Variants in STMN2 observed in about 807,000 individuals in gnomAD.
The protein encoded by STMN2 is stathmin 2.
Under a neutral mutation model 24.1 loss-of-function variants are expected in STMN2, and 2 were observed. The ratio of observed to expected loss-of-function variants is 0.08; its 90% CI spans 0.03 to 0.26. The LOEUF (loss-of-function observed/expected upper bound fraction) is 0.26. Ranked by LOEUF, STMN2 falls within the 10% of genes least tolerant of loss-of-function variation. The pLI is 1.00. For synonymous variants in STMN2, 83 were observed against 77.5 expected (o/e 1.07, Z -0.37); for missense variants, 114 against 213.6 (o/e 0.53, Z 2.91).
At chr8:79,655,555 G>A (rs1422981005) in intron 4 of STMN2, among the ~76,000 whole-genome samples, 4 of 152,014 alleles carry the variant, frequency 2.6e-5, no homozygotes, top group African/African-American at 9.7e-5. Flanking sequence ...CCCATTCTAG[G>A]GTATAATAGC....
At chr8:79,628,310 C>A (rs60553499) in intron 1 of STMN2, among the ~76,000 whole-genome samples, 1 of 151,912 alleles carries the variant, frequency 6.6e-6, no homozygotes, top group Admixed American at 6.6e-5. Context: ...ATTACAGGCA[C>A]GCACCACCAT....
In STMN2 at chr8:79,665,090, T is replaced by G. The variant is rs1806575300; in HGVS notation, c.*216T>G. The G allele has an allele frequency of 2.8e-6, 1 of 355,032 alleles. No homozygotes were observed. The highest frequency in any genetic ancestry group is 4.5e-5 in the Admixed American group (1 of 22,068). The allele number at this position is 355,032 out of a possible 1,614,324, so 22.0% of individuals were successfully genotyped here. On this transcript the variant is annotated 3_prime_UTR_variant, in exon 5 of 5. Coordinates refer to ENST00000220876, the MANE Select transcript of STMN2 (RefSeq NM_007029.4). ...TTTAAAAAATACCTTGGATCTTATT[T>G]TGTAAATACTTACATTTTTGTTAAA...
rs912869016 is a variant in STMN2 at position 79,641,707 on chromosome 8, C to T, written c.288+157C>T. On this transcript the variant is annotated intron_variant, in intron 3 of 4. Coordinates refer to ENST00000220876, the MANE Select transcript of STMN2 (RefSeq NM_007029.4). Reference sequence around the variant, plus strand: ...CAATGACAGCTGAACCTGTGCCATGCCAACATGTATAGGTTTTCAGTAGAC... The same window carrying T: ...CAATGACAGCTGAACCTGTGCCATGTCAACATGTATAGGTTTTCAGTAGAC... Among the ~76,000 whole-genome samples the T allele has an allele frequency of 4.0e-5, 6 of 150,906 alleles. No individual in the cohort carries two copies. In the East Asian group the frequency reaches 7.8e-4, roughly 20 times the overall value.
At chr8:79,641,647 C>T in intron 3 of STMN2, 97 bp downstream of exon 3, 1 of 767,018 alleles carries the variant, frequency 1.3e-6, no homozygotes. Flanking sequence ...CACACACACA[C>T]ACACACACAC....
chr8:79,656,884 G>GTTTTTTTTTTT (rs71266026), intron 4 of STMN2, among the ~76,000 whole-genome samples: 2 of 150,202 alleles, frequency 1.3e-5, no homozygotes, highest in Non-Finnish European at 1.5e-5. Flanking sequence ...TTGTTTGTTT[G>GTTTTTTTTTTT]TTTTTTTGAG....
intron 4 of STMN2, among the ~76,000 whole-genome samples, chr8:79,664,090 C>G (rs920183497): frequency 7.9e-5 from 12 of 152,068 alleles, no homozygotes; most frequent in Non-Finnish European, 1.6e-4. Context: ...AAAATGACTG[C>G]CGAATAAAAG....
In STMN2 at chr8:79,665,974, T is replaced by C. The variant is rs904756885; in HGVS notation, c.*1100T>C. 6.6e-6 allele frequency: 1 copy of C among 152,198 alleles called. No homozygotes were observed. Among genetic ancestry groups the C allele is most frequent in the African/African-American group, 2.4e-5 (1 of 41,434 alleles). The allele number at this position is 152,198 out of a possible 1,614,324, so 9.4% of individuals were successfully genotyped here. A position where few individuals can be genotyped will look rare whatever the true frequency, so the allele number is the denominator to read the frequency against. On this transcript the variant is annotated 3_prime_UTR_variant, in exon 5 of 5. Coordinates refer to ENST00000220876, the MANE Select transcript of STMN2 (RefSeq NM_007029.4). The stretch of plus-strand genomic sequence containing the variant: ...GCAGTTAAGGGGGCTAGGCAGGGCA[T>C]TTGTGCCAACTAAGAATCACCAGAT...
intron 1 of STMN2, among the ~76,000 whole-genome samples, chr8:79,629,255 A>C (rs1809741253): frequency 6.6e-6 from 1 of 152,132 alleles, no homozygotes; most frequent in East Asian, 1.9e-4. Flanking sequence ...ATTATTTTCT[A>C]TTTATATACA....
intron 1 of STMN2, chr8:79,621,091 C>T: frequency 1.1e-6 from 1 of 881,714 alleles, no homozygotes; most frequent in Non-Finnish European, 1.4e-6. Flanking sequence ...TCCACCAGTG[C>T]TGCTGGTGCT....
intron 1 of STMN2, among the ~76,000 whole-genome samples, chr8:79,614,628 AG>A (rs1329945176): frequency 6.6e-6 from 1 of 152,244 alleles, no homozygotes; most frequent in African/African-American, 2.4e-5. Flanking sequence ...TCTGAGAGAA[AG>A]TATATTTTAA....
At chr8:79,613,346 C>T in intron 1 of STMN2, 1 of 977,870 alleles carries the variant, frequency 1.0e-6, no homozygotes, top group Non-Finnish European at 1.2e-6. Context: ...GCGCAGCCAG[C>T]CCTGCAGAGC....
At chr8:79,662,803 T>C (rs1375650835) in intron 4 of STMN2, among the ~76,000 whole-genome samples, 1 of 152,130 alleles carries the variant, frequency 6.6e-6, no homozygotes, top group Non-Finnish European at 1.5e-5. Context: ...TTTGAATTTA[T>C]ATGAATCTTT....
intron 4 of STMN2, among the ~76,000 whole-genome samples, chr8:79,660,617 T>C (rs1806481559): frequency 6.6e-6 from 1 of 152,194 alleles, no homozygotes; most frequent in African/African-American, 2.4e-5. Flanking sequence ...GATTCTGTGA[T>C]TCTTTCCCTA....
At chr8:79,644,582 C>A (rs1044007006) in intron 3 of STMN2, among the ~76,000 whole-genome samples, 1 of 152,056 alleles carries the variant, frequency 6.6e-6, no homozygotes, top group African/African-American at 2.4e-5. Flanking sequence ...TAGGTAAGAT[C>A]CCTGGGGTAA....
At chr8:79,641,225 T>C (rs977345343) in intron 2 of STMN2, among the ~76,000 whole-genome samples, 153 bp from the exon 3 acceptor site, 2 of 152,206 alleles carry the variant, frequency 1.3e-5, no homozygotes, top group African/African-American at 4.8e-5. Context: ...TCTTATATGT[T>C]CTAAACAACA....
intron 1 of STMN2, among the ~76,000 whole-genome samples, chr8:79,630,091 C>T (rs1335589903): frequency 2.6e-5 from 4 of 152,058 alleles, no homozygotes; most frequent in African/African-American, 9.7e-5. Context: ...CTGTGTCTTC[C>T]CAGTGTTCTA....
At chr8:79,663,560 C>A (rs764156755) in intron 4 of STMN2, 2 of 1,461,266 alleles carry the variant, frequency 1.4e-6, no homozygotes, top group Admixed American at 2.2e-5. Context: ...TAGAGTTTAA[C>A]GATAAGTTTT....
intron 4 of STMN2, 88 bp from the exon 5 acceptor site, chr8:79,664,727 A>G: frequency 7.8e-7 from 1 of 1,283,344 alleles, no homozygotes; most frequent in Non-Finnish European, 1.1e-6. Context: ...TAGACACCAA[A>G]CTGGGTTACT....
chr8:79,656,038 G>C (rs557980825), intron 4 of STMN2, among the ~76,000 whole-genome samples: 1 of 152,290 alleles, frequency 6.6e-6, no homozygotes, highest in Admixed American at 6.5e-5. Flanking sequence ...TCTTCTGTTA[G>C]AGATGGCCCT....
Sources: gnomAD v4.1 joint callset for allele counts (sites outside exome capture counted in the v4.1 genomes callset) on GRCh38, gnomAD v4.1.1 for gene constraint, MANE v1.5 for transcripts, NCBI Gene and HGNC (gene_info 2026-07-23, HGNC 2026-07-21) for gene names.